The following LAMA2 variants were observed in gnomAD, a reference collection of about 807,000 sequenced individuals.
LAMA2 encodes laminin subunit alpha 2, also known as laminin subunit alpha-2.
Under a neutral mutation model 364.8 loss-of-function variants are expected in LAMA2, and 269 were observed. That is an observed-to-expected ratio of 0.74 (90% CI 0.67 to 0.82). The LOEUF is 0.82. LAMA2 is among the 40% of genes least tolerant of loss of function. The probability of loss-of-function intolerance (pLI) is 0.00; values close to 1 mark genes in which losing one functional copy is unlikely to be tolerated. For missense variants in LAMA2, 3,807 were observed against 3,873.2 expected, an observed-to-expected ratio of 0.98 and a Z score of 0.45; for synonymous variants, 1,379 against 1,370.6, an observed-to-expected ratio of 1.01 and a Z score of -0.14.
At chr6:129,136,530 A>C (rs920291605) in intron 4 of LAMA2, among the ~76,000 whole-genome samples, 7 of 151,788 alleles carry the variant, frequency 4.6e-5, no homozygotes, top group Non-Finnish European at 1.0e-4. Flanking sequence ...GAGAGAGAGA[A>C]GGGAGAGAAG....
At chr6:128,929,360 G>A in intron 1 of LAMA2, 4 of 1,060,574 alleles carry the variant, frequency 3.8e-6, no homozygotes, top group East Asian at 2.4e-5. Flanking sequence ...GAGACCTCGA[G>A]AGAATACAAA....
chr6:129,128,128 C>T (rs1017234105), intron 4 of LAMA2, among the ~76,000 whole-genome samples: 1 of 152,118 alleles, frequency 6.6e-6, no homozygotes, highest in Non-Finnish European at 1.5e-5. Context: ...TTTGGAGTTG[C>T]TGGCCTTATA....
chr6:129,088,917 C>T (rs1194768547), intron 3 of LAMA2, among the ~76,000 whole-genome samples: 2 of 152,162 alleles, frequency 1.3e-5, no homozygotes, highest in African/African-American at 4.8e-5. Context: ...GGGGTGGCGG[C>T]CGGGCAGAGG....
chr6:128,982,170 C>T (rs529073264), intron 1 of LAMA2, among the ~76,000 whole-genome samples: 121 of 152,246 alleles, frequency 7.9e-4, no homozygotes, highest in African/African-American at 2.9e-3. Context: ...TAACTGTTGA[C>T]ATTTTGTCAT....
chr6:129,123,171 T>C (rs149055335), intron 4 of LAMA2, among the ~76,000 whole-genome samples: 5 of 152,048 alleles, frequency 3.3e-5, no homozygotes, highest in African/African-American at 1.2e-4. Flanking sequence ...CCAGGCATAG[T>C]GGTGCACGTC....
chr6:129,389,398 G>A lies in LAMA2; in HGVS notation c.5072-2093G>A, dbSNP rs899995767. ...CAAGGTGCTGGCTGGTTTGGTGCCT[G>A]GTAAGGAGCTGCTTCCTGGTTCAGA... On this transcript the variant is annotated intron_variant, in intron 35 of 64. Transcript: ENST00000421865. 4.6e-5 allele frequency among the ~76,000 whole-genome samples: 7 copies of A among 152,252 alleles called. No individual in the cohort carries two copies. The South Asian group carries it at 1.5e-3, about 32-fold the overall frequency.
chr6:128,962,497 G>A, intron 1 of LAMA2, among the ~76,000 whole-genome samples: 1 of 151,920 alleles, frequency 6.6e-6, no homozygotes, highest in East Asian at 1.9e-4. Flanking sequence ...ATTGTGAGGA[G>A]GATACTTATG....
intron 10 of LAMA2, among the ~76,000 whole-genome samples, chr6:129,186,473 T>C (rs1781235213): frequency 6.8e-6 from 1 of 146,492 alleles, no homozygotes; most frequent in East Asian, 1.9e-4. Flanking sequence ...AACAAAATTA[T>C]GGTTTTACTG....
intron 2 of LAMA2, 135 bp downstream of exon 2, chr6:129,050,223 T>C (rs1434455994): frequency 7.2e-6 from 6 of 838,646 alleles, no homozygotes; most frequent in Non-Finnish European, 1.2e-5. Context: ...TAAGAGCTTC[T>C]TCCTGGCCCC....
intron 4 of LAMA2, among the ~76,000 whole-genome samples, chr6:129,125,023 C>T (rs972590029): frequency 3.3e-5 from 5 of 152,068 alleles, no homozygotes; most frequent in South Asian, 2.1e-4. Context: ...TGAGAAGTGG[C>T]GGAATAGAAG....
chr6:129,119,317 T>C (rs2114915512), intron 4 of LAMA2, among the ~76,000 whole-genome samples: 1 of 152,296 alleles, frequency 6.6e-6, no homozygotes, highest in Admixed American at 6.5e-5. Context: ...TATTTTAACA[T>C]AGTATTCCAC....
chr6:129,263,134 G>T (rs978463990), intron 15 of LAMA2, among the ~76,000 whole-genome samples: 1 of 152,076 alleles, frequency 6.6e-6, no homozygotes, highest in Non-Finnish European at 1.5e-5. Flanking sequence ...CCACCTCATA[G>T]AATTGTTTGT....
chr6:129,078,985 A>C (rs945772771), intron 3 of LAMA2, among the ~76,000 whole-genome samples: 5 of 152,206 alleles, frequency 3.3e-5, no homozygotes, highest in Admixed American at 2.0e-4. Flanking sequence ...CTTCATTTTT[A>C]AGGCTGAATA....
At chr6:128,936,384 A>G (rs1215897181) in intron 1 of LAMA2, among the ~76,000 whole-genome samples, 1 of 152,148 alleles carries the variant, frequency 6.6e-6, no homozygotes, top group African/African-American at 2.4e-5. Context: ...TTTTATCATG[A>G]CAGGATGTTG....
intron 3 of LAMA2, among the ~76,000 whole-genome samples, chr6:129,095,754 C>CAA (rs57713069): frequency 0.033 from 3,088 of 93,928 alleles, 42 homozygotes; most frequent in South Asian, 0.042. Flanking sequence ...CTACTAAATA[C>CAA]AAAAAAAAAA....
At chr6:129,155,306 C>G (rs753553579) in intron 8 of LAMA2, among the ~76,000 whole-genome samples, 1 of 151,858 alleles carries the variant, frequency 6.6e-6, no homozygotes, top group Non-Finnish European at 1.5e-5. Flanking sequence ...TATAAGAAAC[C>G]GTCAACATTT....
chr6:129,174,115 T>C (rs1472958759), intron 9 of LAMA2, among the ~76,000 whole-genome samples: 2 of 152,044 alleles, frequency 1.3e-5, no homozygotes, highest in African/African-American at 4.8e-5. Flanking sequence ...CCATGATTAT[T>C]ATATATTTTG....
intron 4 of LAMA2, among the ~76,000 whole-genome samples, chr6:129,131,754 A>G (rs1777486185): frequency 6.6e-6 from 1 of 152,170 alleles, no homozygotes; most frequent in African/African-American, 2.4e-5. Context: ...TTGTATCAAA[A>G]TTGTTGTTGT....
At chr6:129,418,323 T>G (rs923113027) in intron 40 of LAMA2, among the ~76,000 whole-genome samples, 2 of 152,016 alleles carry the variant, frequency 1.3e-5, no homozygotes, top group African/African-American at 4.8e-5. Flanking sequence ...TATTTTATAC[T>G]CAATATTCCA....
Sources: allele counts gnomAD v4.1 joint callset (sites outside exome capture counted in the v4.1 genomes callset), GRCh38; gene constraint gnomAD v4.1.1; transcripts MANE v1.5; gene names NCBI Gene and HGNC (gene_info 2026-07-23, HGNC 2026-07-21).